The following SMIM31 variants were observed in gnomAD, a reference collection of about 807,000 sequenced individuals.
SMIM31 encodes human epithelial cell program regulator.
intron 2 of SMIM31, among the ~76,000 whole-genome samples, chr4:164,795,558 CAAAAAAAAAAAAAAA>C (rs60083689): frequency 2.6e-5 from 2 of 76,958 alleles, no homozygotes; most frequent in East Asian, 4.7e-4. Flanking sequence ...TACTCCATCT[CAAAAAAAAAAAAAAA>C]AAAAAAAAAA....
In SMIM31 at chr4:164,803,337, C is replaced by G. The variant is rs1299459297; in HGVS notation, c.*2143C>G. The G allele has an allele frequency of 6.6e-6, 1 of 152,326 alleles. No homozygotes were observed. Among genetic ancestry groups the G allele is most frequent in the Non-Finnish European group, 1.5e-5 (1 of 68,212 alleles). The allele number at this position is 152,326 out of a possible 1,614,324, so 9.4% of individuals were successfully genotyped here. On this transcript the variant is annotated 3_prime_UTR_variant, in exon 3 of 3. Coordinates refer to ENST00000507311, the MANE Select transcript of SMIM31 (RefSeq NM_001352885.1). ...CTTATAGTCCAAGCTACTCACAAGG[C>G]TGAGGCAGGAGGATCGCTTGAGCCT...
At chr4:164,763,996 ATTC>A (rs1732685301) in intron 1 of SMIM31, among the ~76,000 whole-genome samples, 1 of 152,206 alleles carries the variant, frequency 6.6e-6, no homozygotes, top group African/African-American at 2.4e-5. Flanking sequence ...AGTTTCCAAA[ATTC>A]TTCAACATAT....
chr4:164,774,381 G>T (rs1732854499), intron 2 of SMIM31, among the ~76,000 whole-genome samples: 1 of 152,110 alleles, frequency 6.6e-6, no homozygotes, highest in African/African-American at 2.4e-5. Flanking sequence ...ATGGCCACTG[G>T]AATCCCTCAG....
At position 164,773,356 on chromosome 4, in the gene SMIM31, A is replaced by G. The variant is rs114541086; in HGVS notation, c.112+2801A>G. Reference sequence around the variant, plus strand: ...GTGTTAGTCTGTTCTCATGCTGCTAATAAGAACATACCCAAAACTGGGTAA... The same window carrying G: ...GTGTTAGTCTGTTCTCATGCTGCTAGTAAGAACATACCCAAAACTGGGTAA... On this transcript the variant is annotated intron_variant, in intron 2 of 2. Coordinates refer to ENST00000507311, the MANE Select transcript of SMIM31 (RefSeq NM_001352885.1). Among the ~76,000 whole-genome samples, 895 of 152,344 alleles carry G rather than the reference A, an allele frequency of 5.9e-3. 9 individuals are homozygous for G. Among genetic ancestry groups the G allele is most frequent in the African/African-American group, 0.02 (830 of 41,576 alleles).
chr4:164,794,774 C>T (rs1733166788), intron 2 of SMIM31, among the ~76,000 whole-genome samples: 1 of 151,902 alleles, frequency 6.6e-6, no homozygotes, highest in African/African-American at 2.4e-5. Context: ...CACTGCACTC[C>T]AGCCTGGCAA....
In SMIM31 at chr4:164,801,117, GA is replaced by G. The variant is rs1733278074; in HGVS notation, c.143del (p.Lys48ArgfsTer34). 1 of 398,686 alleles carries G rather than the reference GA, an allele frequency of 2.5e-6. No individual in the cohort carries two copies. The highest frequency in any genetic ancestry group is 1.3e-4 in the South Asian group (1 of 7,840). The allele number at this position is 398,686 out of a possible 1,614,324, so 24.7% of individuals were successfully genotyped here. ...EEEEHEKKGREKKRKKSEKKK... is the reference protein window; with the variant it reads ...EEEEHEKKGRXKKRKKSEKKK... ...GGAAGAACATGAAAAAAAGGGAAGG[GA>G]AAAGAAAAGGAAAAAGTCTGAAAAG... On this transcript the variant is annotated frameshift_variant, in exon 3 of 3. Coordinates refer to ENST00000507311, the MANE Select transcript of SMIM31 (RefSeq NM_001352885.1). LOFTEE classifies it low-confidence loss of function (END_TRUNC).
At chr4:164,761,820 A>G (rs1579060366) in intron 1 of SMIM31, among the ~76,000 whole-genome samples, 1 of 151,782 alleles carries the variant, frequency 6.6e-6, no homozygotes, top group Admixed American at 6.6e-5. Flanking sequence ...TCTACTCAGG[A>G]GGCTGAGACA....
At chr4:164,768,075 A>C (rs1461740293) in intron 1 of SMIM31, among the ~76,000 whole-genome samples, 2 of 151,492 alleles carry the variant, frequency 1.3e-5, no homozygotes, top group East Asian at 3.9e-4. Context: ...TCTACAAAAA[A>C]AATCAAAAAA....
At chr4:164,762,635 T>C (rs28581986) in intron 1 of SMIM31, among the ~76,000 whole-genome samples, 91,483 of 139,044 alleles carry the variant, frequency 0.66, 30,145 homozygotes, top group African/African-American at 0.73. Flanking sequence ...TGCACTCCAG[T>C]CTGGGCAACA....
intron 2 of SMIM31, among the ~76,000 whole-genome samples, chr4:164,789,334 TCTCTC>T (rs1560831150): frequency 6.6e-6 from 1 of 152,100 alleles, no homozygotes; most frequent in Admixed American, 6.5e-5. Context: ...AAGACCTCAG[TCTCTC>T]CTTTATCTAC....
At chr4:164,797,267 C>G (rs894090336) in intron 2 of SMIM31, among the ~76,000 whole-genome samples, 6 of 152,040 alleles carry the variant, frequency 3.9e-5, no homozygotes, top group Non-Finnish European at 7.4e-5. Flanking sequence ...CATACATTTT[C>G]TTCTTTATTA....
chr4:164,779,582 C>G lies in SMIM31; in HGVS notation c.112+9027C>G, dbSNP rs1033346755. Among the ~76,000 whole-genome samples, 5 of 152,132 alleles carry G rather than the reference C, an allele frequency of 3.3e-5. 1 individual carries two copies. The highest frequency in any genetic ancestry group is 1.2e-4 in the African/African-American group (5 of 41,414). ...TCTGTTATCTCTGAATACAATGACT[C>G]TTCTGCCTTTATAAACCAAATTGTC... is the stretch of plus-strand genomic sequence containing the variant. On this transcript the variant is annotated intron_variant, in intron 2 of 2. Coordinates refer to ENST00000507311, the MANE Select transcript of SMIM31 (RefSeq NM_001352885.1).
chr4:164,798,101 T>C (rs886110108), intron 2 of SMIM31, among the ~76,000 whole-genome samples: 38 of 152,218 alleles, frequency 2.5e-4, no homozygotes, highest in African/African-American at 9.2e-4. Flanking sequence ...CCATGGTGTA[T>C]ACATACCACA....
rs72177805 is a variant in SMIM31, at chr4:164,788,478, C to CTTTTTTT, written c.113-12591_113-12585dup. 2.4e-3 allele frequency among the ~76,000 whole-genome samples: 137 copies of CTTTTTTT among 58,194 alleles called. 6 individuals carry two copies. The highest frequency in any genetic ancestry group is 4.5e-3 in the African/African-American group (63 of 13,858). The allele number at this position is 58,194 out of a possible 152,430, so 38.2% of individuals were successfully genotyped here. ...ATAAAATTTCTTTCTTCTAATTTTTCTTTTTTTTTTTTTTTTTTTTTTTTT... is the reference window on the plus strand; with the variant it reads ...ATAAAATTTCTTTCTTCTAATTTTTCTTTTTTTTTTTTTTTTTTTTTTTTTTTTTTTT... On this transcript the variant is annotated intron_variant, in intron 2 of 2. Transcript: ENST00000507311.
chr4:164,758,768 G>C (rs957993981), intron 1 of SMIM31, among the ~76,000 whole-genome samples: 3 of 143,078 alleles, frequency 2.1e-5, no homozygotes, highest in African/African-American at 7.8e-5. Context: ...AGCATAGCTG[G>C]GACTACAGGC....
In SMIM31 at chr4:164,788,478, CTTTTTTTTTTT is replaced by C. The variant is rs72177805; in HGVS notation, c.113-12595_113-12585del. On this transcript the variant is annotated intron_variant, in intron 2 of 2. Coordinates refer to ENST00000507311, the MANE Select transcript of SMIM31 (RefSeq NM_001352885.1). ...ATAAAATTTCTTTCTTCTAATTTTT[CTTTTTTTTTTT>C]TTTTTTTTTTTTTTTTTGAGACGGA... Among the ~76,000 whole-genome samples, 25 of 58,162 alleles carry C rather than the reference CTTTTTTTTTTT, an allele frequency of 4.3e-4. 2 individuals carry two copies. The highest frequency in any genetic ancestry group is 1.4e-3 in the South Asian group (2 of 1,480). 38.2% of individuals were successfully genotyped at this position (58,162 alleles called of 152,430 possible).
At chr4:164,765,194 G>C (rs1732704258) in intron 1 of SMIM31, among the ~76,000 whole-genome samples, 1 of 152,208 alleles carries the variant, frequency 6.6e-6, no homozygotes, top group African/African-American at 2.4e-5. Context: ...CAACATGATA[G>C]AGGATCCATC....
At chr4:164,758,837 T>TTTA (rs1732607232) in intron 1 of SMIM31, among the ~76,000 whole-genome samples, 1 of 75,902 alleles carries the variant, frequency 1.3e-5, no homozygotes, top group African/African-American at 4.3e-5. Context: ...TTTTTTTTTT[T>TTTA]TTTTGTATTT....
chr4:164,792,654 C>A (rs1733117600), intron 2 of SMIM31, among the ~76,000 whole-genome samples: 1 of 152,104 alleles, frequency 6.6e-6, no homozygotes, highest in African/African-American at 2.4e-5. Flanking sequence ...ACTGTGATTA[C>A]TACTATGGAA....
Sources: gnomAD v4.1 joint callset for allele counts (sites outside exome capture counted in the v4.1 genomes callset) on GRCh38, gnomAD v4.1.1 for gene constraint, MANE v1.5 for transcripts, NCBI Gene and HGNC (gene_info 2026-07-23, HGNC 2026-07-21) for gene names.